OVCH2: variants seen among roughly 807,000 people sequenced by gnomAD.
OVCH2 encodes ovochymase 2, also known as ovochymase-2.
In OVCH2, 88 loss-of-function variants were observed where a neutral mutation model predicts 73.7. The ratio of observed to expected loss-of-function variants is 1.19; its 90% confidence interval spans 1.01 to 1.43. The LOEUF (loss-of-function observed/expected upper bound fraction) is 1.43. Among genes scored for constraint, OVCH2 ranks in the 40% most tolerant of loss-of-function variants. The pLI is 0.00. For missense variants in OVCH2, 706 were observed against 674.5 expected (o/e 1.05, Z -0.52); for synonymous variants, 265 against 234.5 (o/e 1.13, Z -1.19).
intron 11 of OVCH2, 115 bp from the exon 12 acceptor site, chr11:7,695,303 G>T: frequency 7.8e-7 from 1 of 1,284,646 alleles, no homozygotes; most frequent in Non-Finnish European, 1.1e-6. Flanking sequence ...TTCAGACACT[G>T]CGAACAAGAA....
chr11:7,689,725 G>A (rs897567447), intron 15 of OVCH2, 123 bp from the exon 16 acceptor site: 3 of 662,834 alleles, frequency 4.5e-6, no homozygotes, highest in Admixed American at 2.1e-5. Flanking sequence ...ACTGGATTAG[G>A]GCCCAGGCTA....
chr11:7,703,792 A>G lies in OVCH2; in HGVS notation c.199-3T>C, dbSNP rs1209624671. ...TTCTGCCTTTGTTTCAGAGATACCT[A>G]AATTGCAAATACCTTAAATGAAAGC... On this transcript the variant is annotated splice_polypyrimidine_tract_variant and splice_region_variant and intron_variant, in intron 2 of 15. Coordinates refer to ENST00000533663, the MANE Select transcript of OVCH2 (RefSeq NM_198185.7). 4.4e-6 allele frequency: 7 copies of G among 1,599,482 alleles called. No homozygotes were observed. Among genetic ancestry groups the G allele is most frequent in the Non-Finnish European group, 5.1e-6 (6 of 1,172,396 alleles).
At position 7,696,485 on chromosome 11, in the gene OVCH2, G is replaced by T; in HGVS notation, c.1121C>A (p.Ser374Tyr). 1 of 1,614,000 alleles carries T rather than the reference G, an allele frequency of 6.2e-7. No homozygotes were observed. The highest frequency in any genetic ancestry group is 8.5e-7 in the Non-Finnish European group (1 of 1,179,886). ...CTCACCAATGGGTCTGTCTTCTAAAGAATACATTGACAGGTAACTGTGGTG... is the reference window on the plus strand; with the variant it reads ...CTCACCAATGGGTCTGTCTTCTAAATAATACATTGACAGGTAACTGTGGTG... ...SCHHSYLSMY[S>Y]LEDRPIGKFC... Residue 374 changes from serine (S) to tyrosine (Y), a missense_variant, in exon 10 of 16, where the codon TCT (serine) becomes TAT (tyrosine). Physicochemically the swap from Ser to Tyr is moderately radical, Grantham distance 144. Coordinates refer to ENST00000533663, the MANE Select transcript of OVCH2 (RefSeq NM_198185.7).
intron 7 of OVCH2, 177 bp downstream of exon 7, chr11:7,700,119 C>G: frequency 1.6e-6 from 1 of 614,460 alleles, no homozygotes; most frequent in Non-Finnish European, 2.8e-6. Flanking sequence ...GCTCCACATA[C>G]CATATTTTAC....
chr11:7,702,258 G>A lies in OVCH2; in HGVS notation c.362C>T (p.Thr121Ile). The A allele has an allele frequency of 1.2e-6, 2 of 1,612,666 alleles. No individual in the cohort carries two copies. The highest frequency in any genetic ancestry group is 2.2e-5 in the East Asian group (1 of 44,860). ...DLSQTDPGEQTLTIETVIIHP... is the reference protein window; with the variant it reads ...DLSQTDPGEQILTIETVIIHP... ...TATGATGACAGTTTCAATAGTGAGAGTTTGCTCTCCTGGGTCTGTCTGGCT... is the reference window on the plus strand; with the variant it reads ...TATGATGACAGTTTCAATAGTGAGAATTTGCTCTCCTGGGTCTGTCTGGCT... Residue 121 changes from threonine to isoleucine, a missense_variant, in exon 4 of 16, where the codon ACT becomes ATT. Transcript: ENST00000533663.
chr11:7,689,815 A>G, intron 15 of OVCH2, 109 bp downstream of exon 15: 1 of 727,242 alleles, frequency 1.4e-6, no homozygotes, highest in East Asian at 2.7e-5. Flanking sequence ...GGAGGTTAGG[A>G]CTCTAGTATA....
intron 14 of OVCH2, among the ~76,000 whole-genome samples, chr11:7,690,978 A>G (rs1412430928): frequency 2.6e-5 from 4 of 152,204 alleles, no homozygotes; most frequent in African/African-American, 9.6e-5. Flanking sequence ...AATTCATTGT[A>G]ATGAACCAGC....
chr11:7,693,335 C>A lies in OVCH2; in HGVS notation c.1414-1340G>T, dbSNP rs146813629. 2.5e-3 allele frequency among the ~76,000 whole-genome samples: 374 copies of A among 152,260 alleles called. 3 individuals carry two copies. The highest frequency in any genetic ancestry group is 8.8e-3 in the African/African-American group (365 of 41,556). On this transcript the variant is annotated intron_variant, in intron 12 of 15. Coordinates refer to ENST00000533663, the MANE Select transcript of OVCH2 (RefSeq NM_198185.7). Reference sequence around the variant, plus strand: ...AGGATTCATTCAAACATTTATTAAACCCTTACTGGGATACTTTCTGGGAAG... The same window carrying A: ...AGGATTCATTCAAACATTTATTAAAACCTTACTGGGATACTTTCTGGGAAG...
intron 2 of OVCH2, 33 bp from the exon 3 acceptor site, chr11:7,703,822 T>C: frequency 6.5e-7 from 1 of 1,540,828 alleles, no homozygotes; most frequent in Non-Finnish European, 8.8e-7. Flanking sequence ...GAAAGCAAGT[T>C]CATGCCCTGG....
downstream of OVCH2, among the ~76,000 whole-genome samples, chr11:7,685,239 A>C (rs1183519543): frequency 1.3e-5 from 2 of 152,094 alleles, no homozygotes; most frequent in African/African-American, 4.8e-5. Flanking sequence ...TAGGCACAGA[A>C]TGGGAGGGAG....
the OVCH2 span, among the ~76,000 whole-genome samples, chr11:7,680,683 C>T: frequency 6.6e-6 from 1 of 152,194 alleles, no homozygotes; most frequent in South Asian, 2.1e-4. Flanking sequence ...AGAATCAGCC[C>T]TGTTGACACA....
At chr11:7,689,364 C>A (rs1041632267), downstream of OVCH2, 1 of 228,150 alleles carries the variant, frequency 4.4e-6, no homozygotes, top group South Asian at 6.3e-5. Context: ...CTTAGTCAGC[C>A]CCCACAATTG....
chr11:7,695,162 G>A lies in OVCH2; in HGVS notation c.1309C>T (p.Leu437Phe), dbSNP rs748252025. The change falls in exon 12 of 16, where the codon CTT (leucine) becomes TTT (phenylalanine). Residue 437 changes from leucine (L) to phenylalanine (F), a missense_variant. Physicochemically the swap from Leu to Phe is conservative, Grantham distance 22 (BLOSUM62 0). Coordinates refer to ENST00000533663, the MANE Select transcript of OVCH2 (RefSeq NM_198185.7). ...PDSGCSYLTVLFEEGLIQSLN... is the reference protein window; with the variant it reads ...PDSGCSYLTVFFEEGLIQSLN... ...CTCTGTATGAGACCTTCTTCAAAAA[G>A]GACAGTTAAGTAACTGCAACCTGAA... is the stretch of plus-strand genomic sequence containing the variant. 3 of 1,560,594 alleles carry A rather than the reference G, an allele frequency of 1.9e-6. No individual in the cohort carries two copies. The Admixed American group carries it at 5.8e-5, about 30-fold the overall frequency.
chr11:7,703,184 C>T (rs145246184), intron 3 of OVCH2, among the ~76,000 whole-genome samples: 24 of 152,224 alleles, frequency 1.6e-4, no homozygotes, highest in African/African-American at 3.6e-4. Flanking sequence ...GCCTAGTATA[C>T]GCCCAGAACA....
Position 7,695,663 on chromosome 11 carries a change from T to A in OVCH2, c.1189A>T (p.Asn397Tyr). ...SLPSSILIGS[N>Y]SLRLKFVSDA... ...GAGACGAATTTCAGCCTTAGAGAAT[T>A]AGAGCCAATAAGAATGGATGAAGGG... The change falls in exon 11 of 16, where the codon AAT (asparagine) becomes TAT (tyrosine). Residue 397 changes from asparagine (N) to tyrosine (Y), a missense_variant. Transcript: ENST00000533663. The A allele has an allele frequency of 6.3e-7, 1 of 1,597,280 alleles. No individual in the cohort carries two copies. The highest frequency in any genetic ancestry group is 8.5e-7 in the Non-Finnish European group (1 of 1,179,372).
chr11:7,692,099 C>A, intron 12 of OVCH2, 104 bp from the exon 13 acceptor site: 4 of 782,870 alleles, frequency 5.1e-6, no homozygotes, highest in South Asian at 4.9e-5. Flanking sequence ...TGGAGTAAGA[C>A]CTTAGATAAG....
chr11:7,698,767 C>T lies in OVCH2; in HGVS notation c.908G>A (p.Arg303Gln), dbSNP rs773982264. 2.4e-5 allele frequency: 38 copies of T among 1,612,500 alleles called. No individual in the cohort carries two copies. The highest frequency in any genetic ancestry group is 2.0e-4 in the Admixed American group (12 of 59,868). ...ATACCCACCTCTGGAGCTCTTTCTC[C>T]GATTACCTGGGAAAGGAAAAGAAGG... ...WIHEHIQTGNRRKSSRAWCSE... is the reference protein window; with the variant it reads ...WIHEHIQTGNQRKSSRAWCSE... The change falls in exon 8 of 16, where the codon CGG (arginine) becomes CAG (glutamine). Residue 303 changes from arginine to glutamine, a missense_variant. Arg to Gln is a conservative substitution (Grantham distance 43). Coordinates refer to ENST00000533663, the MANE Select transcript of OVCH2 (RefSeq NM_198185.7).
At chr11:7,695,413 G>A (rs930143757) in intron 11 of OVCH2, among the ~76,000 whole-genome samples, 157 bp downstream of exon 11, 10 of 152,226 alleles carry the variant, frequency 6.6e-5, no homozygotes, top group African/African-American at 2.4e-4. Context: ...GGTTGAGGGG[G>A]AGACTGCCCC....
intron 7 of OVCH2, chr11:7,699,874 T>G (rs1161824995): frequency 6.3e-6 from 1 of 157,608 alleles, no homozygotes; most frequent in African/African-American, 2.4e-5. Flanking sequence ...AAATGTCTTC[T>G]GATACTGTCC....
Sources: allele counts gnomAD v4.1 joint callset (sites outside exome capture counted in the v4.1 genomes callset), GRCh38; gene constraint gnomAD v4.1.1; transcripts MANE v1.5; gene names NCBI Gene and HGNC (gene_info 2026-07-23, HGNC 2026-07-21).